IKZF1: variants seen among roughly 807,000 people sequenced by gnomAD.
The protein encoded by IKZF1 is DNA-binding protein Ikaros.
IKZF1 carries 10 observed loss-of-function variants against 51.7 expected under a neutral mutation model. The observed-to-expected ratio is 0.19, with a 90% CI of 0.12 to 0.33. The LOEUF (loss-of-function observed/expected upper bound fraction) is 0.33, where lower values mean the gene tolerates loss of function less well. Ranked by LOEUF, IKZF1 falls within the 10% of genes least tolerant of loss-of-function variation. IKZF1 has a pLI of 1.00. For synonymous variants in IKZF1, 280 were observed against 282.3 expected (o/e 0.99, Z 0.08); for missense variants, 484 against 707.5 (o/e 0.68, Z 3.58).
At position 50,335,954 on chromosome 7, in the gene IKZF1, A is replaced by G. The variant is rs890140826; in HGVS notation, c.160+8197A>G. 5.3e-5 allele frequency among the ~76,000 whole-genome samples: 8 copies of G among 151,968 alleles called. 1 individual carries two copies. The highest frequency in any genetic ancestry group is 1.9e-4 in the African/African-American group (8 of 41,330). ...GCCCCCTCACCCGATCCTGGCTGTC[A>G]TGTCTGTGAAGCCTGACCCAGCAGG... On this transcript the variant is annotated intron_variant, in intron 3 of 7. Coordinates refer to ENST00000331340, the MANE Select transcript of IKZF1 (RefSeq NM_006060.6).
At chr7:50,334,174 C>T (rs937122443) in intron 3 of IKZF1, among the ~76,000 whole-genome samples, 8 of 152,214 alleles carry the variant, frequency 5.3e-5, no homozygotes, top group Admixed American at 3.3e-4. Context: ...AACTTCATGA[C>T]AGTTTTGATT....
intron 2 of IKZF1, 62 bp from the exon 3 acceptor site, chr7:50,327,576 G>A (rs375057431): frequency 1.2e-4 from 179 of 1,512,004 alleles, no homozygotes; most frequent in Non-Finnish European, 1.4e-4. Context: ...GCCAAAAGCC[G>A]GGGGAAGCCC....
intron 2 of IKZF1, among the ~76,000 whole-genome samples, chr7:50,326,432 C>T (rs1795037566): frequency 6.6e-6 from 1 of 152,162 alleles, no homozygotes; most frequent in East Asian, 1.9e-4. Context: ...TGCATAAGTT[C>T]ACATCATCTG....
intron 3 of IKZF1, among the ~76,000 whole-genome samples, chr7:50,344,307 G>A (rs1402517534): frequency 6.6e-6 from 1 of 152,186 alleles, no homozygotes; most frequent in African/African-American, 2.4e-5. Context: ...GTGTGTGACT[G>A]TCCTCACATG....
intron 7 of IKZF1, among the ~76,000 whole-genome samples, chr7:50,397,235 C>A (rs776265067): frequency 6.6e-6 from 1 of 152,208 alleles, no homozygotes; most frequent in African/African-American, 2.4e-5. Context: ...TAATGAAATG[C>A]ATATTATATA....
At chr7:50,352,455 A>G (rs1165244089) in intron 3 of IKZF1, among the ~76,000 whole-genome samples, 2 of 152,196 alleles carry the variant, frequency 1.3e-5, no homozygotes, top group Non-Finnish European at 2.9e-5. Flanking sequence ...ATTTTAGGTC[A>G]AGGGTTTTTT....
At chr7:50,308,223 C>T (rs1201804877) in intron 1 of IKZF1, among the ~76,000 whole-genome samples, 2 of 152,172 alleles carry the variant, frequency 1.3e-5, no homozygotes, top group African/African-American at 2.4e-5. Flanking sequence ...TGGCGAAGTG[C>T]GGGCCTGCCC....
intron 3 of IKZF1, among the ~76,000 whole-genome samples, chr7:50,355,166 G>A (rs545102765): frequency 6.6e-6 from 1 of 152,296 alleles, no homozygotes; most frequent in East Asian, 1.9e-4. Context: ...AAATGACTGA[G>A]ATGTGTGAGC....
At chr7:50,313,396 G>A (rs555497671) in intron 1 of IKZF1, among the ~76,000 whole-genome samples, 1 of 152,308 alleles carries the variant, frequency 6.6e-6, no homozygotes, top group South Asian at 2.1e-4. Flanking sequence ...GGAGGAAAAA[G>A]TAAATAGCAT....
chr7:50,366,276 T>C (rs981263372), intron 3 of IKZF1, among the ~76,000 whole-genome samples: 25 of 152,186 alleles, frequency 1.6e-4, no homozygotes, highest in Non-Finnish European at 3.1e-4. Flanking sequence ...AAAAAATTAA[T>C]GTCTAATAAT....
chr7:50,392,946 G>C (rs922444116), intron 7 of IKZF1, among the ~76,000 whole-genome samples: 1 of 152,228 alleles, frequency 6.6e-6, no homozygotes, highest in Admixed American at 6.5e-5. Flanking sequence ...CAGGAAAAGT[G>C]AAGGTGTCCT....
intron 1 of IKZF1, among the ~76,000 whole-genome samples, chr7:50,317,576 T>A (rs1190972782): frequency 6.6e-6 from 1 of 152,130 alleles, no homozygotes. Flanking sequence ...CTGAAATACT[T>A]TTTCTGTACA....
chr7:50,318,432 G>A, intron 1 of IKZF1: 1 of 229,792 alleles, frequency 4.4e-6, no homozygotes, highest in Non-Finnish European at 8.6e-6. Flanking sequence ...GAGTGCTGGT[G>A]AAGGCTGAGG....
chr7:50,383,489 G>A (rs1164544267), intron 5 of IKZF1, among the ~76,000 whole-genome samples: 4 of 152,236 alleles, frequency 2.6e-5, no homozygotes, highest in African/African-American at 9.6e-5. Flanking sequence ...ACAGGGCAGA[G>A]GAAGAGAGGG....
At chr7:50,327,972 C>T in intron 3 of IKZF1, 1 of 535,208 alleles carries the variant, frequency 1.9e-6, no homozygotes, top group African/African-American at 1.9e-5. Flanking sequence ...AGCCACACAC[C>T]CCGCAAAATG....
In IKZF1 at chr7:50,402,361, G is replaced by A. The variant is rs11552046; in HGVS notation, c.*1734G>A. ...TGGGCTGACTACTTATTTGTTAGGC[G>A]GGAGCTCTCCTGTGCATTGTAGGAT... On this transcript the variant is annotated 3_prime_UTR_variant, in exon 8 of 8. Transcript: ENST00000331340. 2,396 of 230,132 alleles carry A rather than the reference G, an allele frequency of 0.01. 68 individuals are homozygous for A. Among genetic ancestry groups the A allele is most frequent in the African/African-American group, 0.05 (2,265 of 45,210 alleles). 14.3% of individuals were successfully genotyped at this position (230,132 alleles called of 1,614,324 possible).
chr7:50,337,243 A>G (rs1798020863), intron 3 of IKZF1, among the ~76,000 whole-genome samples: 2 of 152,102 alleles, frequency 1.3e-5, no homozygotes, highest in African/African-American at 4.8e-5. Flanking sequence ...TTTACAGGGT[A>G]GTCTTTTTAG....
intron 2 of IKZF1, among the ~76,000 whole-genome samples, chr7:50,321,031 T>A (rs541661706): frequency 1.3e-5 from 2 of 152,330 alleles, no homozygotes; most frequent in South Asian, 4.1e-4. Context: ...ATGCAAAGTA[T>A]GATCTCGTTC....
At chr7:50,397,837 G>T (rs1396622256) in intron 7 of IKZF1, among the ~76,000 whole-genome samples, 1 of 152,146 alleles carries the variant, frequency 6.6e-6, no homozygotes, top group Non-Finnish European at 1.5e-5. Context: ...CTGTTTCTGG[G>T]AGGGCGTAAC....
Sources: allele counts gnomAD v4.1 joint callset (sites outside exome capture counted in the v4.1 genomes callset), GRCh38; gene constraint gnomAD v4.1.1; transcripts MANE v1.5; gene names NCBI Gene and HGNC (gene_info 2026-07-23, HGNC 2026-07-21).